CELF2: variants seen among roughly 807,000 people sequenced by gnomAD.
CELF2 encodes CUG triplet repeat RNA-binding protein 2.
CELF2 carries 8 observed loss-of-function variants against 62.6 expected under a neutral mutation model. That is an observed-to-expected ratio of 0.13 (90% CI 0.07 to 0.23). The LOEUF is 0.23. Ranked by LOEUF, CELF2 falls within the 10% of genes least tolerant of loss-of-function variation. The pLI is 1.00. For synonymous variants in CELF2, 258 were observed against 250.0 expected (o/e 1.03, Z -0.30); for missense variants, 333 against 671.0 (o/e 0.50, Z 5.56).
the CELF2 span, among the ~76,000 whole-genome samples, chr10:10,733,920 G>A: frequency 6.6e-6 from 1 of 152,046 alleles, no homozygotes; most frequent in African/African-American, 2.4e-5. Context: ...CTTTAAGAAT[G>A]TAATACAAAT....
chr10:10,803,509 T>A (rs1236034262), intron 1 of CELF2, among the ~76,000 whole-genome samples: 1 of 152,190 alleles, frequency 6.6e-6, no homozygotes, highest in Non-Finnish European at 1.5e-5. Context: ...TGCTCCTCAT[T>A]CAAGCCTTAG....
the CELF2 span, among the ~76,000 whole-genome samples, chr10:10,792,074 A>AC: frequency 5.3e-5 from 6 of 112,396 alleles, no homozygotes; most frequent in South Asian, 3.4e-4. Flanking sequence ...GGGAGGAAGG[A>AC]GGAAAGGGAG....
intron 2 of CELF2, among the ~76,000 whole-genome samples, chr10:11,196,931 C>T (rs910334914): frequency 8.7e-5 from 13 of 149,874 alleles, no homozygotes; most frequent in Non-Finnish European, 1.8e-4. Context: ...TGCACTCCAG[C>T]CTGGGCGACA....
chr10:10,617,522 T>C, the CELF2 span, among the ~76,000 whole-genome samples: 1 of 152,060 alleles, frequency 6.6e-6, no homozygotes, highest in African/African-American at 2.4e-5. Flanking sequence ...AGAGGCAGGC[T>C]TAGAGAGGGT....
intron 2 of CELF2, among the ~76,000 whole-genome samples, chr10:11,167,674 C>G (rs2067629042): frequency 6.6e-6 from 1 of 152,210 alleles, no homozygotes; most frequent in Non-Finnish European, 1.5e-5. Flanking sequence ...AACTTCTGTT[C>G]ACTGTGCCTG....
At chr10:11,155,419 G>A (rs992258510) in intron 1 of CELF2, among the ~76,000 whole-genome samples, 3 of 152,180 alleles carry the variant, frequency 2.0e-5, no homozygotes, top group East Asian at 1.9e-4. Context: ...TTTGCTCCTC[G>A]TCTTCTCCTG....
chr10:11,229,939 G>A (rs998066777), intron 3 of CELF2, among the ~76,000 whole-genome samples: 2 of 152,120 alleles, frequency 1.3e-5, no homozygotes, highest in Non-Finnish European at 2.9e-5. Context: ...GCAAGTTTTA[G>A]AACTTCTGTT....
the CELF2 span, among the ~76,000 whole-genome samples, chr10:10,507,619 T>C: frequency 6.6e-6 from 1 of 152,138 alleles, no homozygotes; most frequent in Non-Finnish European, 1.5e-5. Context: ...AATAAGCACA[T>C]CCTCAAACAT....
At chr10:11,154,093 A>T (rs1028125281) in intron 1 of CELF2, among the ~76,000 whole-genome samples, 1 of 152,202 alleles carries the variant, frequency 6.6e-6, no homozygotes, top group Admixed American at 6.5e-5. Flanking sequence ...AAATGGCTTT[A>T]AAAAAATCAA....
At chr10:11,054,489 TTGTGTGTGTGTGTGTG>T (rs35465939) in intron 1 of CELF2, among the ~76,000 whole-genome samples, 2 of 149,478 alleles carry the variant, frequency 1.3e-5, no homozygotes, top group African/African-American at 4.9e-5. Context: ...GTATGTGTGT[TTGTGTGTGTGTGTGTG>T]TGTGTGTGTG....
intron 2 of CELF2, among the ~76,000 whole-genome samples, chr10:11,176,238 G>A (rs1267387627): frequency 1.3e-5 from 2 of 152,144 alleles, no homozygotes; most frequent in Non-Finnish European, 2.9e-5. Flanking sequence ...AGGACAAGAA[G>A]AGGCTAAAGT....
chr10:11,325,368 T>G (rs1305893774), intron 11 of CELF2, among the ~76,000 whole-genome samples: 1 of 152,352 alleles, frequency 6.6e-6, no homozygotes, highest in Non-Finnish European at 1.5e-5. Flanking sequence ...AGGCAAATGA[T>G]AGAGAAATCG....
the CELF2 span, among the ~76,000 whole-genome samples, chr10:10,578,063 G>A: frequency 6.6e-6 from 1 of 152,206 alleles, no homozygotes; most frequent in African/African-American, 2.4e-5. Flanking sequence ...TAACTGGTGT[G>A]AGATGGTATC....
the CELF2 span, among the ~76,000 whole-genome samples, chr10:10,515,212 T>G: frequency 6.6e-6 from 1 of 152,192 alleles, no homozygotes; most frequent in Non-Finnish European, 1.5e-5. Context: ...TCGCCTTTTA[T>G]AAACTTTGTG....
At chr10:10,866,478 G>A (rs898877889) in intron 1 of CELF2, among the ~76,000 whole-genome samples, 6 of 151,698 alleles carry the variant, frequency 4.0e-5, no homozygotes, top group African/African-American at 9.7e-5. Flanking sequence ...GGTGACACAC[G>A]CCTGTAGTCC....
the CELF2 span, among the ~76,000 whole-genome samples, chr10:10,528,163 G>T: frequency 0.45 from 29,892 of 67,040 alleles, 4,236 homozygotes; most frequent in African/African-American, 0.56. Context: ...CCTGTTTTGT[G>T]TGTGTGTGTG....
At chr10:10,846,150 A>G in intron 1 of CELF2, 4 of 982,770 alleles carry the variant, frequency 4.1e-6, no homozygotes, top group Non-Finnish European at 4.8e-6. Context: ...GAACCTCGCT[A>G]TTCACAGTAA....
At chr10:10,544,279 C>T in the CELF2 span, among the ~76,000 whole-genome samples, 2 of 152,168 alleles carry the variant, frequency 1.3e-5, no homozygotes, top group African/African-American at 2.4e-5. Flanking sequence ...TTATCTTACT[C>T]CTCCTGGCAG....
At chr10:10,605,678 A>G in the CELF2 span, among the ~76,000 whole-genome samples, 1 of 152,220 alleles carries the variant, frequency 6.6e-6, no homozygotes, top group Non-Finnish European at 1.5e-5. Context: ...GCTTAAGCTG[A>G]GAAGAGTCCA....
Sources: allele counts gnomAD v4.1 joint callset (sites outside exome capture counted in the v4.1 genomes callset), GRCh38; gene constraint gnomAD v4.1.1; transcripts MANE v1.5; gene names NCBI Gene and HGNC (gene_info 2026-07-23, HGNC 2026-07-21).